PRC1: variants seen among roughly 807,000 people sequenced by gnomAD.
PRC1 encodes protein regulator of cytokinesis 1.
A neutral mutation model predicts 91.2 loss-of-function variants in PRC1; 54 were observed. That is an observed-to-expected ratio of 0.59 (90% confidence interval 0.48 to 0.74). The LOEUF (loss-of-function observed/expected upper bound fraction) is 0.74. Ranked by LOEUF, PRC1 falls within the 30% of genes least tolerant of loss-of-function variation. The pLI, the probability that PRC1 is intolerant of heterozygous loss-of-function variation, is 0.00. For missense variants in PRC1, 727 were observed against 746.2 expected (o/e 0.97, Z 0.30); for synonymous variants, 275 against 263.6 (o/e 1.04, Z -0.42).
chr15:90,979,112 T>C, intron 8 of PRC1, 46 bp downstream of exon 8: 3 of 1,588,398 alleles, frequency 1.9e-6, no homozygotes, highest in Non-Finnish European at 2.6e-6. Flanking sequence ...ATTCCGTACA[T>C]GGCATGCTTT....
chr15:90,987,176 G>A (rs562437883), intron 1 of PRC1, among the ~76,000 whole-genome samples: 1 of 151,722 alleles, frequency 6.6e-6, no homozygotes, highest in South Asian at 2.1e-4. Flanking sequence ...AGCTACTCAG[G>A]AGGCTGAGGT....
chr15:90,976,414 C>CATGATCAAGACCAGGCT (rs2038705443), intron 9 of PRC1, among the ~76,000 whole-genome samples: 4 of 151,704 alleles, frequency 2.6e-5, no homozygotes, highest in African/African-American at 7.3e-5. Flanking sequence ...CTCCTGACCT[C>CATGATCAAGACCAGGCT]GCGATATGCC....
intron 12 of PRC1, 88 bp from the exon 13 acceptor site, chr15:90,969,711 A>G: frequency 9.0e-7 from 1 of 1,112,644 alleles, no homozygotes; most frequent in South Asian, 2.4e-5. Flanking sequence ...AAAGGCTGAG[A>G]CTATCTTTAT....
chr15:90,991,874 C>T (rs2040001497), intron 1 of PRC1, among the ~76,000 whole-genome samples: 1 of 152,112 alleles, frequency 6.6e-6, no homozygotes, highest in South Asian at 2.1e-4. Context: ...TAATCTTCTA[C>T]TCAGAACCCT....
chr15:90,968,201 A>G (rs1596268321), intron 14 of PRC1: 1 of 985,472 alleles, frequency 1.0e-6, no homozygotes. Context: ...CAAGCGAAAA[A>G]GAGAAAGCTG....
chr15:90,974,182 C>A lies in PRC1; in HGVS notation c.1415G>T (p.Ser472Ile). The change falls in exon 11 of 15, where the codon AGC becomes ATC. Residue 472 changes from serine to isoleucine, a missense_variant. Transcript: ENST00000394249. This position sits in a 1 kb window ranked among gnomAD's most constrained non-coding sequence, Gnocchi z 4.6. The stretch of plus-strand genomic sequence containing the variant: ...ATTGGGAGCCAGTCCTCGCCGCTTG[C>A]TAGGTGTTCGAGGAGCGCTGCCATA... Reference protein sequence around the residue: ...MLYGSAPRTPSKRRGLAPNTP... With the variant: ...MLYGSAPRTPIKRRGLAPNTP... The A allele has an allele frequency of 6.2e-7, 1 of 1,614,200 alleles. No homozygotes were observed. The highest frequency in any genetic ancestry group is 8.5e-7 in the Non-Finnish European group (1 of 1,180,030).
Position 90,974,391 on chromosome 15 carries a change from C to T in PRC1, c.1351-145G>A, listed in dbSNP as rs563873837. 12 of 1,079,152 alleles carry T rather than the reference C, an allele frequency of 1.1e-5. No individual in the cohort carries two copies. Among genetic ancestry groups the T allele is most frequent in the South Asian group, 4.6e-5 (3 of 65,908 alleles). The allele number at this position is 1,079,152 out of a possible 1,614,324, so 66.8% of individuals were successfully genotyped here. ...CGCGGGCTCCCCGTTCCACAAGCCC[C>T]GGTCCCCGGCTCCCCGTTCCACAAG... is the stretch of plus-strand genomic sequence containing the variant. On this transcript the variant is annotated intron_variant, in intron 10 of 14. Transcript: ENST00000394249. The surrounding 1 kb of genome is among the most constrained non-coding windows in gnomAD (Gnocchi z 4.6).
At chr15:90,975,775 G>C (rs755572863) in intron 9 of PRC1, among the ~76,000 whole-genome samples, 4 of 152,144 alleles carry the variant, frequency 2.6e-5, no homozygotes, top group African/African-American at 4.8e-5. Flanking sequence ...CTTGAGGCCA[G>C]GAGTCCAAGA....
chr15:90,975,943 G>A (rs764207215), intron 9 of PRC1, among the ~76,000 whole-genome samples: 15 of 152,134 alleles, frequency 9.9e-5, no homozygotes, highest in Non-Finnish European at 1.3e-4. Context: ...CGGAGAAGAC[G>A]ACAACCATTT....
At chr15:90,975,079 A>G (rs2038553027) in intron 9 of PRC1, among the ~76,000 whole-genome samples, 1 of 152,116 alleles carries the variant, frequency 6.6e-6, no homozygotes, top group Non-Finnish European at 1.5e-5. Flanking sequence ...ATCTGGAATC[A>G]CCCTCTTTAC....
At chr15:90,975,252 T>C (rs929198268) in intron 9 of PRC1, among the ~76,000 whole-genome samples, 1 of 152,152 alleles carries the variant, frequency 6.6e-6, no homozygotes, top group Non-Finnish European at 1.5e-5. Flanking sequence ...ATTACAGGCA[T>C]ACGCCACACC....
chr15:90,989,340 T>C (rs1897721060), intron 1 of PRC1, among the ~76,000 whole-genome samples: 1 of 151,504 alleles, frequency 6.6e-6, no homozygotes, highest in Admixed American at 6.6e-5. Context: ...CTCAACGCCC[T>C]GGGCTCAAGC....
At position 90,974,564 on chromosome 15, in the gene PRC1, T is replaced by G; in HGVS notation, c.1350+21A>C. ...TTACTTTCTTCGTCTTTTCCCAATT[T>G]GCGTTCACGTTCACACTTACTCTTT... On this transcript the variant is annotated intron_variant, in intron 10 of 14. Transcript: ENST00000394249. The surrounding 1 kb of genome is among the most constrained non-coding windows in gnomAD (Gnocchi z 4.6). The G allele has an allele frequency of 6.2e-7, 1 of 1,614,010 alleles. No homozygotes were observed.
At position 90,967,163 on chromosome 15, in the gene PRC1, C is replaced by T. The variant is rs936231154; in HGVS notation, c.1831G>A (p.Gly611Arg). Residue 611 changes from glycine (G) to arginine (R), a missense_variant, in exon 15 of 15, where the codon GGA becomes AGA. By Grantham distance (125) the Gly-to-Arg change is moderately radical. Transcript: ENST00000394249. ...TGGATGTTGGTTGAATTGAGGATTC[C>T]AGAAGTAGCATCAGATTTGGAAGCC... is the stretch of plus-strand genomic sequence containing the variant. ...SKASKSDATS[G>R]ILNSTNIQS 14 of 1,614,130 alleles carry T rather than the reference C, an allele frequency of 8.7e-6. No individual in the cohort carries two copies. The highest frequency in any genetic ancestry group is 1.1e-5 in the South Asian group (1 of 91,088).
intron 6 of PRC1, chr15:90,980,665 G>A (rs1487973392): frequency 1.3e-5 from 9 of 693,446 alleles, no homozygotes; most frequent in Non-Finnish European, 1.9e-5. Flanking sequence ...GATTACAGGC[G>A]CACGCCACTA....
intron 12 of PRC1, among the ~76,000 whole-genome samples, chr15:90,970,155 T>A (rs941892264): frequency 2.0e-5 from 3 of 152,144 alleles, no homozygotes; most frequent in African/African-American, 7.2e-5. Flanking sequence ...CCCTGCCTGA[T>A]CTTCAGTTTC....
rs531333333 is a variant in PRC1, at chr15:90,968,393, C to CTAGG, written c.1791+682_1791+685dup. 90 of 985,512 alleles carry CTAGG rather than the reference C, an allele frequency of 9.1e-5. No homozygotes were observed. The African/African-American group carries it at 1.5e-3, about 16-fold the overall frequency. 61.0% of individuals were successfully genotyped at this position (985,512 alleles called of 1,614,324 possible). On this transcript the variant is annotated intron_variant, in intron 14 of 14. Transcript: ENST00000394249. ...TGCAGCAATTAAGAGGGGAGGCAGGCTAGGGGTTTAACTCAATATCCCCTC... is the reference window on the plus strand; with the variant it reads ...TGCAGCAATTAAGAGGGGAGGCAGGCTAGGTAGGGGTTTAACTCAATATCCCCTC...
At chr15:90,968,681 T>C in intron 14 of PRC1, 3 of 1,033,806 alleles carry the variant, frequency 2.9e-6, no homozygotes, top group Non-Finnish European at 3.5e-6. Flanking sequence ...GGAAGGCATA[T>C]ACTCCAGGAA....
intron 6 of PRC1, 98 bp from the exon 7 acceptor site, chr15:90,980,487 G>C: frequency 7.6e-6 from 8 of 1,054,256 alleles, no homozygotes; most frequent in South Asian, 1.6e-5. Flanking sequence ...ATAATGCAAA[G>C]CCACAAAGGT....
Sources: allele counts gnomAD v4.1 joint callset (sites outside exome capture counted in the v4.1 genomes callset), GRCh38; gene constraint gnomAD v4.1.1; non-coding constraint Gnocchi (gnomAD v3.1); transcripts MANE v1.5; gene names NCBI Gene and HGNC (gene_info 2026-07-23, HGNC 2026-07-21).